Variants in ESRRG observed in about 807,000 individuals in gnomAD.
ESRRG encodes the protein estrogen related receptor gamma.
In ESRRG, 13 loss-of-function variants were observed where a neutral mutation model predicts 44.0. The observed-to-expected ratio is 0.30, with a 90% confidence interval of 0.19 to 0.47. The LOEUF is 0.47. Ranked by LOEUF, ESRRG falls within the 20% of genes least tolerant of loss-of-function variation. The pLI, the probability that ESRRG is intolerant of heterozygous loss-of-function variation, is 1.00. For missense variants in ESRRG, 395 were observed against 580.6 expected (o/e 0.68, Z 3.29); for synonymous variants, 215 against 214.6 (o/e 1.00, Z -0.02).
chr1:216,744,096 G>A (rs1482131144), intron 2 of ESRRG, among the ~76,000 whole-genome samples: 2 of 152,056 alleles, frequency 1.3e-5, no homozygotes, highest in Admixed American at 6.6e-5. Flanking sequence ...GGGTTTTAAA[G>A]GGTTAAGTGC....
intron 2 of ESRRG, among the ~76,000 whole-genome samples, chr1:216,762,364 A>G (rs951586024): frequency 2.6e-5 from 4 of 152,104 alleles, no homozygotes; most frequent in Non-Finnish European, 4.4e-5. Context: ...ACTATGGAAT[A>G]CTATGCAGCC....
At chr1:216,891,614 C>A (rs978298731) in intron 2 of ESRRG, among the ~76,000 whole-genome samples, 1 of 152,068 alleles carries the variant, frequency 6.6e-6, no homozygotes, top group Non-Finnish European at 1.5e-5. Context: ...TAGACAGGAC[C>A]CGTACCATAG....
At chr1:216,957,150 G>A (rs547440357) in intron 1 of ESRRG, among the ~76,000 whole-genome samples, 2 of 152,200 alleles carry the variant, frequency 1.3e-5, no homozygotes, top group South Asian at 4.1e-4. Flanking sequence ...CTCACTGGTT[G>A]CTTCTTTTAT....
At chr1:216,725,416 C>A, upstream of ESRRG, among the ~76,000 whole-genome samples, 1 of 150,892 alleles carries the variant, frequency 6.6e-6, no homozygotes, top group Non-Finnish European at 1.5e-5. Context: ...AGAAGAAAAT[C>A]CAAGCATTCT....
At chr1:216,997,842 T>C (rs2076557418) in intron 1 of ESRRG, among the ~76,000 whole-genome samples, 1 of 152,204 alleles carries the variant, frequency 6.6e-6, no homozygotes, top group Admixed American at 6.5e-5. Context: ...ACCCAAATTA[T>C]TACATTACCA....
chr1:216,838,428 A>G (rs2095601854), intron 2 of ESRRG, among the ~76,000 whole-genome samples: 1 of 152,170 alleles, frequency 6.6e-6, no homozygotes, highest in South Asian at 2.1e-4. Context: ...CCTTTGAAAC[A>G]GTGACACTCC....
chr1:216,626,052 C>T (rs1574339391), intron 3 of ESRRG, among the ~76,000 whole-genome samples: 2 of 152,164 alleles, frequency 1.3e-5, no homozygotes, highest in African/African-American at 4.8e-5. Context: ...CCATGCATTC[C>T]TCAAAGCACC....
intron 5 of ESRRG, among the ~76,000 whole-genome samples, chr1:216,527,064 T>C (rs1022975233): frequency 2.6e-5 from 4 of 152,208 alleles, no homozygotes; most frequent in East Asian, 1.9e-4. Context: ...CATTGGAATA[T>C]GCAAAATGAA....
chr1:216,739,466 T>C (rs934623300), intron 2 of ESRRG, among the ~76,000 whole-genome samples: 14 of 152,334 alleles, frequency 9.2e-5, no homozygotes, highest in African/African-American at 3.4e-4. Context: ...TGGGTTTAAC[T>C]GATAGGTGCT....
At chr1:217,031,606 G>C (rs2082070431) in intron 1 of ESRRG, among the ~76,000 whole-genome samples, 1 of 152,148 alleles carries the variant, frequency 6.6e-6, no homozygotes, top group African/African-American at 2.4e-5. Flanking sequence ...CATTTACAGA[G>C]ACCAACAGAT....
upstream of ESRRG, among the ~76,000 whole-genome samples, chr1:216,724,161 T>C (rs1350238222): frequency 6.6e-6 from 1 of 152,148 alleles, no homozygotes; most frequent in Non-Finnish European, 1.5e-5. Flanking sequence ...AAAGAATGCC[T>C]AAGTAAATTA....
At chr1:216,510,756 G>C (rs1251811137) in intron 6 of ESRRG, among the ~76,000 whole-genome samples, 2 of 151,976 alleles carry the variant, frequency 1.3e-5, no homozygotes, top group African/African-American at 4.8e-5. Flanking sequence ...GTAGTGGTGG[G>C]CGCCTGCAGT....
chr1:216,716,962 C>T (rs189686767), intron 1 of ESRRG, among the ~76,000 whole-genome samples: 40 of 151,902 alleles, frequency 2.6e-4, no homozygotes, highest in Admixed American at 2.0e-3. Context: ...AAAACTGTAC[C>T]TTTTCTTTCA....
At chr1:216,851,355 A>T (rs1473712679) in intron 2 of ESRRG, among the ~76,000 whole-genome samples, 1 of 152,020 alleles carries the variant, frequency 6.6e-6, no homozygotes, top group Non-Finnish European at 1.5e-5. Flanking sequence ...TGTAGGAGAG[A>T]ACTACTTGTT....
At chr1:216,612,343 G>A (rs1161988915) in intron 3 of ESRRG, among the ~76,000 whole-genome samples, 2 of 151,906 alleles carry the variant, frequency 1.3e-5, no homozygotes, top group African/African-American at 4.8e-5. Flanking sequence ...CAGGAAGGAA[G>A]ACAAGGGAGG....
In ESRRG at chr1:217,050,203, G is replaced by T. The variant is rs558690157; in HGVS notation, c.-106+39304C>A. Reference sequence around the variant, plus strand: ...GTGCCAAGATATTTGAGCTGGGGGGGTGAAAAAGAACTTCTGGCAACACAG... The same window carrying T: ...GTGCCAAGATATTTGAGCTGGGGGGTTGAAAAAGAACTTCTGGCAACACAG... On this transcript the variant is annotated intron_variant, in intron 1 of 7. Transcript: ENST00000359162. Among the ~76,000 whole-genome samples the T allele has an allele frequency of 6.2e-4, 94 of 152,238 alleles. 1 individual carries two copies. The highest frequency in any genetic ancestry group is 2.2e-3 in the African/African-American group (90 of 41,544).
At chr1:216,864,945 C>T (rs2149135685) in intron 2 of ESRRG, 1 of 152,086 alleles carries the variant, frequency 6.6e-6, no homozygotes, top group Middle Eastern at 3.4e-3. Context: ...CTGGGGCCCA[C>T]ACCAAAAGGG....
intron 2 of ESRRG, among the ~76,000 whole-genome samples, chr1:216,813,169 A>G (rs1252435546): frequency 6.6e-6 from 1 of 152,070 alleles, no homozygotes; most frequent in African/African-American, 2.4e-5. Flanking sequence ...AAAACCCACG[A>G]CTCAGATACA....
At chr1:216,912,701 CTG>C (rs2060619305) in intron 2 of ESRRG, among the ~76,000 whole-genome samples, 1 of 152,144 alleles carries the variant, frequency 6.6e-6, no homozygotes, top group South Asian at 2.1e-4. Flanking sequence ...CCATCTGACA[CTG>C]TGTGTGTGCA....
Sources: gnomAD v4.1 joint callset for allele counts (sites outside exome capture counted in the v4.1 genomes callset) on GRCh38, gnomAD v4.1.1 for gene constraint, MANE v1.5 for transcripts, NCBI Gene and HGNC (gene_info 2026-07-23, HGNC 2026-07-21) for gene names.